Variants in CTU2 observed in about 807,000 individuals in gnomAD.
CTU2 encodes the protein cytosolic thiouridylase subunit 2.
CTU2 carries 80 observed loss-of-function variants against 64.1 expected under a neutral mutation model. The ratio of observed to expected loss-of-function variants is 1.25; its 90% confidence interval spans 1.04 to 1.50. The LOEUF is 1.50. Ranked by LOEUF, CTU2 falls within the 40% of genes most tolerant of loss-of-function variation. The pLI is 0.00. For synonymous variants in CTU2, 482 were observed against 285.3 expected (o/e 1.69, Z -6.95); for missense variants, 1,110 against 690.2 (o/e 1.61, Z -6.81).
intron 12 of CTU2, 37 bp downstream of exon 12, chr16:88,714,774 T>TG (rs1264954538): frequency 3.1e-6 from 5 of 1,605,952 alleles, no homozygotes; most frequent in Non-Finnish European, 4.3e-6. Flanking sequence ...GCCAGCTGCA[T>TG]GGGGCGGGAG....
At position 88,707,120 on chromosome 16, in the gene CTU2, C is replaced by A. The variant is rs11641194; in HGVS notation, c.69-16C>A. On this transcript the variant is annotated splice_polypyrimidine_tract_variant and intron_variant, in intron 1 of 14. Transcript: ENST00000453996. ...TGATCTGTGTTTCTCTCTTCTCCCC[C>A]CTCCCATCTCCAAAGCCGTGAGCAG... 0.25 allele frequency: 408,389 copies of A among 1,611,542 alleles called. 56,187 individuals are homozygous for A. The highest frequency in any genetic ancestry group is 0.28 in the Non-Finnish European group (330,944 of 1,177,996).
In CTU2 at chr16:88,712,502, G is replaced by C. The variant is rs568565857; in HGVS notation, c.453+119G>C. On this transcript the variant is annotated intron_variant, in intron 6 of 14. Coordinates refer to ENST00000453996, the MANE Select transcript of CTU2 (RefSeq NM_001012759.3). ...AAGGCGGGGCTGTCGGTGGGGGGTG[G>C]GAGGCACCTGCCCGTGCCCCAGCCT... is the stretch of plus-strand genomic sequence containing the variant. The C allele has an allele frequency of 2.7e-6, 4 of 1,457,638 alleles. No homozygotes were observed. In the South Asian group the frequency reaches 5.3e-5, roughly 19 times the overall value. 90.3% of individuals were successfully genotyped at this position (1,457,638 alleles called of 1,614,324 possible).
rs1400858104 is a variant in CTU2 at position 88,709,827 on chromosome 16, C to G, written c.144-111C>G. 3 of 920,718 alleles carry G rather than the reference C, an allele frequency of 3.3e-6. No homozygotes were observed. The Admixed American group carries it at 5.6e-5, about 17-fold the overall frequency. The allele number at this position is 920,718 out of a possible 1,614,324, so 57.0% of individuals were successfully genotyped here. ...TGGACAGAGCCTGGATGTGAAGATG[C>G]TGCTTTTAAAGATGGAGATTGGCAA... is the stretch of plus-strand genomic sequence containing the variant. On this transcript the variant is annotated intron_variant, in intron 2 of 14. Coordinates refer to ENST00000453996, the MANE Select transcript of CTU2 (RefSeq NM_001012759.3).
In CTU2 at chr16:88,713,888, T is replaced by A. The variant is rs1911606749; in HGVS notation, c.1005+110T>A. The A allele has an allele frequency of 4.2e-6, 6 of 1,443,648 alleles. No individual in the cohort carries two copies. The South Asian group carries it at 6.3e-5, about 15-fold the overall frequency. 89.4% of individuals were successfully genotyped at this position (1,443,648 alleles called of 1,614,324 possible). ...TCACCAGCACACCTTCAGTGACTCC[T>A]GCTGTGGCCCCCAGCAGTGCTGCAT... On this transcript the variant is annotated intron_variant, in intron 9 of 14. Transcript: ENST00000453996.
At position 88,715,102 on chromosome 16, in the gene CTU2, C is replaced by A; in HGVS notation, c.1474C>A (p.Gln492Lys). Residue 492 changes from glutamine to lysine, a missense_variant, in exon 14 of 15, where the codon CAG (glutamine) becomes AAG (lysine). Gln to Lys is a moderately conservative substitution (Grantham distance 53). Transcript: ENST00000453996. The stretch of plus-strand genomic sequence containing the variant: ...CCTGGCTGAGGCCCAGCTCCGCACA[C>A]AGAGGTACTGGGGCCCACACTGCCG... ...YILAEAQLRTQRAWGLQEIRD... is the reference protein window; with the variant it reads ...YILAEAQLRTKRAWGLQEIRD... 6 of 1,587,792 alleles carry A rather than the reference C, an allele frequency of 3.8e-6. No homozygotes were observed. The highest frequency in any genetic ancestry group is 5.1e-6 in the Non-Finnish European group (6 of 1,166,438).
chr16:88,712,332 G>C lies in CTU2; in HGVS notation c.402G>C (p.Lys134Asn). 1 of 1,610,778 alleles carries C rather than the reference G, an allele frequency of 6.2e-7. No homozygotes were observed. The highest frequency in any genetic ancestry group is 1.1e-5 in the South Asian group (1 of 90,262). ...GATCAAAGACCCTGGCCGAAGTGAA[G>C]CCCATTCTGCAAGCAACTGGGTTCC... is the stretch of plus-strand genomic sequence containing the variant. ...EERSKTLAEV[K>N]PILQATGFPW... Residue 134 changes from lysine to asparagine, a missense_variant, in exon 6 of 15, where the codon AAG becomes AAC. Lys to Asn is a moderately conservative substitution (Grantham distance 94, BLOSUM62 0). Coordinates refer to ENST00000453996, the MANE Select transcript of CTU2 (RefSeq NM_001012759.3).
chr16:88,712,343 A>G lies in CTU2; in HGVS notation c.413A>G (p.Gln138Arg), dbSNP rs752644184. 1 of 1,610,848 alleles carries G rather than the reference A, an allele frequency of 6.2e-7. No individual in the cohort carries two copies. Among genetic ancestry groups the G allele is most frequent in the Admixed American group, 1.7e-5 (1 of 59,618 alleles). ...CTGGCCGAAGTGAAGCCCATTCTGCAAGCAACTGGGTTCCCATGGCATGTG... is the reference window on the plus strand; with the variant it reads ...CTGGCCGAAGTGAAGCCCATTCTGCGAGCAACTGGGTTCCCATGGCATGTG... Reference protein sequence around the residue: ...KTLAEVKPILQATGFPWHVVA... With the variant: ...KTLAEVKPILRATGFPWHVVA... Residue 138 changes from glutamine (Q) to arginine (R), a missense_variant, in exon 6 of 15, where the codon CAA becomes CGA. Coordinates refer to ENST00000453996, the MANE Select transcript of CTU2 (RefSeq NM_001012759.3).
At chr16:88,711,563 G>A (rs1401044054) in intron 4 of CTU2, 72 bp from the exon 5 acceptor site, 1 of 1,399,126 alleles carries the variant, frequency 7.1e-7, no homozygotes, top group Admixed American at 2.1e-5. Context: ...TCCAGATGAA[G>A]AATGTTCTGA....
chr16:88,714,966 C>G (rs367744593), intron 13 of CTU2, 40 bp downstream of exon 13: 1 of 1,592,274 alleles, frequency 6.3e-7, no homozygotes, highest in Non-Finnish European at 8.5e-7. Flanking sequence ...GGCTTGGGGA[C>G]GCGGGAAGGC....
At chr16:88,707,097 A>G in intron 1 of CTU2, 39 bp from the exon 2 acceptor site, 2 of 1,602,724 alleles carry the variant, frequency 1.2e-6, no homozygotes, top group African/African-American at 2.7e-5. Context: ...GGAAGATGTG[A>G]TCTGTGTTTC....
rs755851052 is a variant in CTU2, at chr16:88,713,633, C to G, written c.874-14C>G. On this transcript the variant is annotated splice_polypyrimidine_tract_variant and intron_variant, in intron 8 of 14. Transcript: ENST00000453996. ...GGGCCTTGACCTGGACCACACAGCC[C>G]CTGCCTCCCGCAGGGCTTCTCGGAT... The G allele has an allele frequency of 1.9e-6, 3 of 1,610,090 alleles. No individual in the cohort carries two copies. In the African/African-American group the frequency reaches 4.0e-5, roughly 21 times the overall value.
chr16:88,715,311 C>T lies in CTU2; in HGVS notation c.*60C>T, dbSNP rs1316463564. The T allele has an allele frequency of 5.1e-6, 8 of 1,558,036 alleles. No individual in the cohort carries two copies. The Admixed American group carries it at 8.9e-5, about 17-fold the overall frequency. On this transcript the variant is annotated 3_prime_UTR_variant, in exon 15 of 15. Transcript: ENST00000453996. The stretch of plus-strand genomic sequence containing the variant: ...GGCCACCTGGTACACCACACTGGAG[C>T]CGGAAGGCAAGGACGGGGGACTGGC...
intron 8 of CTU2, 72 bp from the exon 9 acceptor site, chr16:88,713,575 C>G: frequency 1.3e-6 from 2 of 1,575,530 alleles, no homozygotes; most frequent in Non-Finnish European, 8.6e-7. Context: ...GTGACCTCCC[C>G]TACCTGGCAG....
At chr16:88,707,823 G>A (rs533459228) in intron 2 of CTU2, among the ~76,000 whole-genome samples, 11 of 145,878 alleles carry the variant, frequency 7.5e-5, no homozygotes, top group Non-Finnish European at 1.4e-4. Flanking sequence ...TTTTTTTTGA[G>A]ATGGAGTCTC....
rs1911394366 is a variant in CTU2, at chr16:88,712,325, A to G, written c.395A>G (p.Glu132Gly). The G allele has an allele frequency of 6.2e-7, 1 of 1,610,636 alleles. No homozygotes were observed. Among genetic ancestry groups the G allele is most frequent in the Admixed American group, 1.7e-5 (1 of 59,636 alleles). The change falls in exon 6 of 15, where the codon GAA (glutamate) becomes GGA (glycine). Residue 132 changes from glutamate to glycine, a missense_variant. Transcript: ENST00000453996. ...GAGGAGAGATCAAAGACCCTGGCCG[A>G]AGTGAAGCCCATTCTGCAAGCAACT... ...SLEERSKTLA[E>G]VKPILQATGF... is the part of the protein sequence containing the mutation.
intron 5 of CTU2, chr16:88,711,953 G>A: frequency 3.3e-6 from 2 of 603,200 alleles, no homozygotes; most frequent in Non-Finnish European, 5.9e-6. Context: ...GAGCAGGAGT[G>A]GCGGCTGCCC....
At chr16:88,708,460 C>A (rs1368806041) in intron 2 of CTU2, among the ~76,000 whole-genome samples, 1 of 152,108 alleles carries the variant, frequency 6.6e-6, no homozygotes, top group Admixed American at 6.5e-5. Flanking sequence ...TGGTGTAGGG[C>A]GCAGAGGCTC....
intron 2 of CTU2, among the ~76,000 whole-genome samples, chr16:88,708,022 C>T (rs1278936834): frequency 6.6e-6 from 1 of 152,166 alleles, no homozygotes; most frequent in African/African-American, 2.4e-5. Flanking sequence ...CCATGTTGGC[C>T]AGGCTGGTTT....
chr16:88,714,706 G>A lies in CTU2; in HGVS notation c.1321G>A (p.Ala441Thr), dbSNP rs1408212135. The A allele has an allele frequency of 6.2e-7, 1 of 1,610,088 alleles. No homozygotes were observed. Residue 441 changes from alanine to threonine, a missense_variant, in exon 12 of 15, where the codon GCC (alanine) becomes ACC (threonine). Physicochemically the swap from Ala to Thr is moderately conservative, Grantham distance 58 (BLOSUM62 0). Coordinates refer to ENST00000453996, the MANE Select transcript of CTU2 (RefSeq NM_001012759.3). The part of the protein sequence containing the change: ...GPCCSPGVGW[A>T]QRCGQGACRR... ...CTGCTGTTCTCCAGGGGTGGGCTGG[G>A]CCCAGCGCTGTGGCCAGGGGGCCTG...
Sources: gnomAD v4.1 joint callset for allele counts (sites outside exome capture counted in the v4.1 genomes callset) on GRCh38, gnomAD v4.1.1 for gene constraint, MANE v1.5 for transcripts, NCBI Gene and HGNC (gene_info 2026-07-23, HGNC 2026-07-21) for gene names.